The following PCDH1 variants were observed in gnomAD, a reference collection of about 807,000 sequenced individuals.
The protein encoded by PCDH1 is protocadherin-1.
In PCDH1, 23 loss-of-function variants were observed where a neutral mutation model predicts 74.6. That is an observed-to-expected ratio of 0.31 (90% CI 0.22 to 0.44). PCDH1 has a LOEUF of 0.44. Among genes scored for constraint, PCDH1 ranks in the 20% least tolerant of loss-of-function variants. The pLI, the probability that PCDH1 is intolerant of heterozygous loss-of-function variation, is 1.00. For synonymous variants in PCDH1, 647 were observed against 686.1 expected (o/e 0.94, Z 0.89); for missense variants, 1,214 against 1,641.4 (o/e 0.74, Z 4.50).
rs1360070698 is a variant in PCDH1, at chr5:141,869,610, G to C, written c.41-179C>G. On this transcript the variant is annotated intron_variant, in intron 1 of 4. Coordinates refer to ENST00000287008, the MANE Select transcript of PCDH1 (RefSeq NM_032420.5). This position sits in a 1 kb window ranked among gnomAD's most constrained non-coding sequence, Gnocchi z 4.9. Reference sequence around the variant, plus strand: ...CTCAGATCCCTGAATCTCATCCACAGCTGGGTGTAGCAGCAGTGTCTGCCC... The same window carrying C: ...CTCAGATCCCTGAATCTCATCCACACCTGGGTGTAGCAGCAGTGTCTGCCC... 31 of 1,534,598 alleles carry C rather than the reference G, an allele frequency of 2.0e-5. No individual in the cohort carries two copies. The highest frequency in any genetic ancestry group is 2.7e-5 in the Non-Finnish European group (31 of 1,146,694).
rs189081970 is a variant in PCDH1 at position 141,872,024 on chromosome 5, C to T, written c.41-2593G>A. Among the ~76,000 whole-genome samples the T allele has an allele frequency of 6.4e-3, 973 of 152,296 alleles. 12 individuals are homozygous for T. Among genetic ancestry groups the T allele is most frequent in the African/African-American group, 0.022 (909 of 41,544 alleles). ...TCCTCTGTATGGCCTTCCCCAAGCACAGGCCCCTCCCTAAAGTGTGTGCGG... is the reference window on the plus strand; with the variant it reads ...TCCTCTGTATGGCCTTCCCCAAGCATAGGCCCCTCCCTAAAGTGTGTGCGG... On this transcript the variant is annotated intron_variant, in intron 1 of 4. Coordinates refer to ENST00000287008, the MANE Select transcript of PCDH1 (RefSeq NM_032420.5).
In PCDH1 at chr5:141,865,323, A is replaced by G. The variant is rs1241044359; in HGVS notation, c.1008T>C (p.Thr336=). 1.2e-6 allele frequency: 2 copies of G among 1,614,160 alleles called. No homozygotes were observed. Among genetic ancestry groups the G allele is most frequent in the Admixed American group, 3.3e-5 (2 of 60,014 alleles). ...VRRLLRLDRN[T]GLITVQGPVD... is the part of the protein sequence containing the mutation. ...CCGGGCCCTGAACAGTGATAAGTCCAGTGTTCCTGTCCAGTCGAAGAAGAC... is the reference window on the plus strand; with the variant it reads ...CCGGGCCCTGAACAGTGATAAGTCCGGTGTTCCTGTCCAGTCGAAGAAGAC... The change falls in exon 3 of 5, where the codon ACT becomes ACC. Residue 336 remains threonine, a synonymous_variant. Transcript: ENST00000287008. The surrounding 1 kb of genome is among the most constrained non-coding windows in gnomAD (Gnocchi z 4.4).
Position 141,863,858 on chromosome 5 carries a change from G to A in PCDH1, c.2473C>T (p.Leu825Phe), listed in dbSNP as rs1731453548. 1.2e-6 allele frequency: 2 copies of A among 1,614,178 alleles called. No homozygotes were observed. The highest frequency in any genetic ancestry group is 2.2e-5 in the East Asian group (1 of 44,880). Residue 825 changes from leucine to phenylalanine, a missense_variant, in exon 3 of 5, where the codon CTC becomes TTC. This residue lies in a region of PCDH1 where 836 missense variants were observed against 1,182.2 expected (regional missense o/e 0.71). Coordinates refer to ENST00000287008, the MANE Select transcript of PCDH1 (RefSeq NM_032420.5). This position sits in a 1 kb window ranked among gnomAD's most constrained non-coding sequence, Gnocchi z 7.5. Reference sequence around the variant, plus strand: ...GGCGTGTCCAGGCTGTGGCCCAGGAGGGTCTCCAGCAGCGTGCGGTTGGCC... The same window carrying A: ...GGCGTGTCCAGGCTGTGGCCCAGGAAGGTCTCCAGCAGCGTGCGGTTGGCC... ...TLANRTLLET[L>F]LGHSLDTPLD...
chr5:141,863,898 A>G lies in PCDH1; in HGVS notation c.2433T>C (p.Tyr811=), dbSNP rs755451589. The change falls in exon 3 of 5, where the codon TAT becomes TAC. Residue 811 remains tyrosine, a synonymous_variant. Coordinates refer to ENST00000287008, the MANE Select transcript of PCDH1 (RefSeq NM_032420.5). This position sits in a 1 kb window ranked among gnomAD's most constrained non-coding sequence, Gnocchi z 7.5. Reference sequence around the variant, plus strand: ...TGCGGTTGGCCAGAGTCTCATTGACATAAAGATGGACCAAGGCTGTGCCAT... The same window carrying G: ...TGCGGTTGGCCAGAGTCTCATTGACGTAAAGATGGACCAAGGCTGTGCCAT... The part of the protein sequence containing the change: ...PRYGTALVHL[Y]VNETLANRTL... 3 of 1,614,182 alleles carry G rather than the reference A, an allele frequency of 1.9e-6. No individual in the cohort carries two copies. Among genetic ancestry groups the G allele is most frequent in the Non-Finnish European group, 2.5e-6 (3 of 1,180,010 alleles).
chr5:141,863,920 C>A lies in PCDH1; in HGVS notation c.2411G>T (p.Gly804Val), dbSNP rs1431971269. Reference sequence around the variant, plus strand: ...GACATAAAGATGGACCAAGGCTGTGCCATAGCGTGGGGGCTTGCCGCGGTC... The same window carrying A: ...GACATAAAGATGGACCAAGGCTGTGACATAGCGTGGGGGCTTGCCGCGGTC... ...VSDRGKPPRY[G>V]TALVHLYVNE... The change falls in exon 3 of 5, where the codon GGC becomes GTC. Residue 804 changes from glycine (G) to valine (V), a missense_variant. Gly to Val is a moderately radical substitution (Grantham distance 109). Coordinates refer to ENST00000287008, the MANE Select transcript of PCDH1 (RefSeq NM_032420.5). The surrounding 1 kb of genome is among the most constrained non-coding windows in gnomAD (Gnocchi z 7.5). 1 of 1,614,156 alleles carries A rather than the reference C, an allele frequency of 6.2e-7. No individual in the cohort carries two copies. The highest frequency in any genetic ancestry group is 1.7e-5 in the Admixed American group (1 of 60,030).
At position 141,863,986 on chromosome 5, in the gene PCDH1, C is replaced by T. The variant is rs753094322; in HGVS notation, c.2345G>A (p.Arg782Gln). The change falls in exon 3 of 5, where the codon CGG (arginine) becomes CAG (glutamine). Residue 782 changes from arginine (R) to glutamine (Q), a missense_variant. By Grantham distance (43) the Arg-to-Gln change is conservative. Transcript: ENST00000287008. This position sits in a 1 kb window ranked among gnomAD's most constrained non-coding sequence, Gnocchi z 7.5. The part of the protein sequence containing the change: ...GAITLEKEIE[R>Q]RHHGLHRLVV... ...CAGGCGGTGTAGCCCATGGTGGCGC[C>T]GCTCAATCTCCTTCTCCAGGGTGAT... 4 of 1,614,116 alleles carry T rather than the reference C, an allele frequency of 2.5e-6. No homozygotes were observed. The highest frequency in any genetic ancestry group is 2.2e-5 in the South Asian group (2 of 91,082).
chr5:141,859,940 C>T (rs1349013866), intron 3 of PCDH1, among the ~76,000 whole-genome samples: 1 of 152,214 alleles, frequency 6.6e-6, no homozygotes, highest in Non-Finnish European at 1.5e-5. Context: ...CCAGTCTCAT[C>T]TTTCAGCTTT....
intron 4 of PCDH1, among the ~76,000 whole-genome samples, chr5:141,856,529 C>T (rs1309502255): frequency 6.6e-6 from 1 of 152,114 alleles, no homozygotes; most frequent in African/African-American, 2.4e-5. Flanking sequence ...TTCACTCTCC[C>T]CCTCCACAGG....
rs12515587 is a variant in PCDH1, at chr5:141,869,398, T to G, written c.74A>C (p.His25Pro). The change falls in exon 2 of 5, where the codon CAC becomes CCC. Residue 25 changes from histidine (H) to proline (P), a missense_variant. His to Pro is a moderately conservative substitution (Grantham distance 77). Transcript: ENST00000287008. This position sits in a 1 kb window ranked among gnomAD's most constrained non-coding sequence, Gnocchi z 4.9. ...LLILGPPRME[H>P]LRHSPGPGGQ... is the part of the protein sequence containing the mutation. ...CCCAGGGCCTGGGCTGTGCCTCAGG[T>G]GCTCCATCCTGGGAGGCCCCAGAAT... 246,253 of 1,596,614 alleles carry G rather than the reference T, an allele frequency of 0.15. 29,450 individuals carry two copies. Among genetic ancestry groups the G allele is most frequent in the African/African-American group, 0.65 (48,849 of 74,804 alleles).
Position 141,863,966 on chromosome 5 carries a change from G to A in PCDH1, c.2365C>T (p.Arg789Cys), listed in dbSNP as rs766116294. 2.5e-6 allele frequency: 4 copies of A among 1,614,042 alleles called. No homozygotes were observed. Among genetic ancestry groups the A allele is most frequent in the Admixed American group, 1.7e-5 (1 of 60,010 alleles). Residue 789 changes from arginine (R) to cysteine (C), a missense_variant, in exon 3 of 5, where the codon CGC becomes TGC. Arg to Cys is a radical substitution (Grantham distance 180). Around this residue, in one of 4 missense-constraint regions of PCDH1, gnomAD observed 836 missense variants for 1,182.2 expected, o/e 0.71. Transcript: ENST00000287008. The surrounding 1 kb of genome is among the most constrained non-coding windows in gnomAD (Gnocchi z 7.5). ...CGGTCACTGACCTTCACCACCAGGCGGTGTAGCCCATGGTGGCGCCGCTCA... is the reference window on the plus strand; with the variant it reads ...CGGTCACTGACCTTCACCACCAGGCAGTGTAGCCCATGGTGGCGCCGCTCA... ...EIERRHHGLH[R>C]LVVKVSDRGK... is the part of the protein sequence containing the mutation.
intron 4 of PCDH1, chr5:141,856,200 G>A: frequency 1.3e-6 from 2 of 1,535,212 alleles, no homozygotes; most frequent in Non-Finnish European, 1.7e-6. Flanking sequence ...ACAGACCCCA[G>A]ACCCCAGAGC....
At chr5:141,857,752 T>C (rs900429928) in intron 3 of PCDH1, among the ~76,000 whole-genome samples, 2 of 152,162 alleles carry the variant, frequency 1.3e-5, no homozygotes, top group African/African-American at 2.4e-5. Context: ...GCTACCCCAA[T>C]AACCCTCATC....
At chr5:141,867,250 C>T (rs963272863) in intron 2 of PCDH1, among the ~76,000 whole-genome samples, 48 of 152,274 alleles carry the variant, frequency 3.2e-4, no homozygotes, top group African/African-American at 1.1e-3. Flanking sequence ...TTCTTCCATC[C>T]TCTCTTTTCA....
rs765058335 is a variant in PCDH1 at position 141,868,717 on chromosome 5, A to G, written c.755T>C (p.Val252Ala). 5.0e-6 allele frequency: 8 copies of G among 1,614,160 alleles called. No homozygotes were observed. The East Asian group carries it at 1.8e-4, about 36-fold the overall frequency. The part of the protein sequence containing the change: ...RWDSYDLTIK[V>A]QDGGSPPRAS... The stretch of plus-strand genomic sequence containing the variant: ...GCGTGGGGGGCTGCCGCCATCCTGC[A>G]CCTTGATGGTGAGGTCATAGGAGTC... Residue 252 changes from valine (V) to alanine (A), a missense_variant, in exon 2 of 5, where the codon GTG becomes GCG. By Grantham distance (64) the Val-to-Ala change is moderately conservative. Coordinates refer to ENST00000287008, the MANE Select transcript of PCDH1 (RefSeq NM_032420.5). This position sits in a 1 kb window ranked among gnomAD's most constrained non-coding sequence, Gnocchi z 4.8.
rs374678011 is a variant in PCDH1, at chr5:141,854,450, C to G, written c.3320-14G>C. On this transcript the variant is annotated splice_polypyrimidine_tract_variant and intron_variant, in intron 4 of 4. Transcript: ENST00000287008. ...AAGGGCGAAGGTCTGTAGGAGGGAG[C>G]GGGGAAGGACAATTGTCAGACATAC... 8 of 1,582,580 alleles carry G rather than the reference C, an allele frequency of 5.1e-6. No homozygotes were observed. In the African/African-American group the frequency reaches 9.4e-5, roughly 19 times the overall value.
chr5:141,866,192 G>C, intron 2 of PCDH1: 1 of 985,530 alleles, frequency 1.0e-6, no homozygotes, highest in Non-Finnish European at 1.2e-6. Context: ...GGGGAAACCT[G>C]TTTCAGCAGC....
At chr5:141,861,608 G>A (rs1306195652) in intron 3 of PCDH1, among the ~76,000 whole-genome samples, 1 of 152,162 alleles carries the variant, frequency 6.6e-6, no homozygotes, top group Non-Finnish European at 1.5e-5. Context: ...ACTCCTCCAA[G>A]GACCCAAGGA....
At chr5:141,876,842 A>G (rs1261462718) in intron 1 of PCDH1, among the ~76,000 whole-genome samples, 1 of 152,172 alleles carries the variant, frequency 6.6e-6, no homozygotes, top group Non-Finnish European at 1.5e-5. Flanking sequence ...AAACTCAGCT[A>G]AATGGCTGGA....
chr5:141,856,327 G>T, intron 4 of PCDH1: 7 of 1,225,834 alleles, frequency 5.7e-6, no homozygotes, highest in South Asian at 1.3e-5. Flanking sequence ...GGTGGGGGTG[G>T]AGGGCACTCT....
Sources: gnomAD v4.1 joint callset for allele counts (sites outside exome capture counted in the v4.1 genomes callset) on GRCh38, gnomAD v4.1.1 for gene constraint, gnomAD v4.1.1 regional missense constraint, Gnocchi (gnomAD v3.1) non-coding constraint, MANE v1.5 for transcripts, NCBI Gene and HGNC (gene_info 2026-07-23, HGNC 2026-07-21) for gene names.